The following NPAS3 variants were observed in gnomAD, a reference collection of about 807,000 sequenced individuals.
NPAS3 encodes the protein neuronal PAS domain protein 3.
Under a neutral mutation model 73.1 loss-of-function variants are expected in NPAS3, and 14 were observed. The ratio of observed to expected loss-of-function variants is 0.19; its 90% CI spans 0.13 to 0.30. The LOEUF (loss-of-function observed/expected upper bound fraction) is 0.30, where lower values mean the gene tolerates loss of function less well. Ranked by LOEUF, NPAS3 falls within the 10% of genes least tolerant of loss-of-function variation. The probability of loss-of-function intolerance (pLI) is 1.00; values close to 1 mark genes in which losing one functional copy is unlikely to be tolerated. For synonymous variants in NPAS3, 620 were observed against 541.5 expected (o/e 1.14, Z -2.01); for missense variants, 1,096 against 1,250.0 (o/e 0.88, Z 1.86).
At chr14:33,211,135 C>G (rs551552143) in intron 2 of NPAS3, among the ~76,000 whole-genome samples, 1 of 152,268 alleles carries the variant, frequency 6.6e-6, no homozygotes, top group Non-Finnish European at 1.5e-5. Flanking sequence ...ATTCTAACGA[C>G]AACTTTATAA....
At chr14:33,513,476 A>G (rs1392041366) in intron 4 of NPAS3, among the ~76,000 whole-genome samples, 1 of 152,058 alleles carries the variant, frequency 6.6e-6, no homozygotes, top group Non-Finnish European at 1.5e-5. Context: ...CCAGCCTTTG[A>G]GTACAGTAGG....
At chr14:33,606,982 T>C (rs1458718812) in intron 5 of NPAS3, among the ~76,000 whole-genome samples, 1 of 152,214 alleles carries the variant, frequency 6.6e-6, no homozygotes, top group Non-Finnish European at 1.5e-5. Context: ...ATATTCAACA[T>C]CATTAGTCAT....
chr14:33,022,584 G>C (rs1383448150), intron 1 of NPAS3, among the ~76,000 whole-genome samples: 1 of 149,302 alleles, frequency 6.7e-6, no homozygotes, highest in South Asian at 2.1e-4. Flanking sequence ...AGAATGGCGT[G>C]AACCCGGGAG....
Position 33,795,748 on chromosome 14 carries a change from A to G in NPAS3, c.1301+1704A>G, listed in dbSNP as rs145871811. Among the ~76,000 whole-genome samples the G allele has an allele frequency of 3.0e-4, 46 of 152,314 alleles. No individual in the cohort carries two copies. In the East Asian group the frequency reaches 8.9e-3, roughly 29 times the overall value. Reference sequence around the variant, plus strand: ...TCCTCTGCCCACAAATGCAAGGAGTAAGAAGAGCTAAGCAATCAGTCTCTG... The same window carrying G: ...TCCTCTGCCCACAAATGCAAGGAGTGAGAAGAGCTAAGCAATCAGTCTCTG... On this transcript the variant is annotated intron_variant, in intron 10 of 11. Transcript: ENST00000356141.
At chr14:33,462,970 T>C (rs2050341786) in intron 4 of NPAS3, among the ~76,000 whole-genome samples, 1 of 152,200 alleles carries the variant, frequency 6.6e-6, no homozygotes, top group Non-Finnish European at 1.5e-5. Flanking sequence ...TAATAAATGG[T>C]CATTCTTGTT....
chr14:33,599,954 A>G (rs2057351754), intron 5 of NPAS3, among the ~76,000 whole-genome samples: 1 of 152,206 alleles, frequency 6.6e-6, no homozygotes, highest in Non-Finnish European at 1.5e-5. Flanking sequence ...GAAGTGTAGA[A>G]TATCTGGATA....
intron 2 of NPAS3, among the ~76,000 whole-genome samples, chr14:33,113,621 A>G (rs2042968618): frequency 6.6e-6 from 1 of 152,150 alleles, no homozygotes; most frequent in African/African-American, 2.4e-5. Context: ...AAACAGGGAC[A>G]ATTTGACTTC....
At chr14:33,169,561 C>G (rs1170971450) in intron 2 of NPAS3, among the ~76,000 whole-genome samples, 1 of 152,164 alleles carries the variant, frequency 6.6e-6, no homozygotes, top group Admixed American at 6.5e-5. Flanking sequence ...GAGCAAGACT[C>G]TGTCTCAACA....
intron 3 of NPAS3, among the ~76,000 whole-genome samples, chr14:33,237,398 G>A (rs2139810573): frequency 6.6e-6 from 1 of 152,164 alleles, no homozygotes; most frequent in South Asian, 2.1e-4. Context: ...ATTCTTGACT[G>A]AATAATGATG....
rs11389432 is a variant in NPAS3 at position 33,159,553 on chromosome 14, C to CTTTT, written c.141-55614_141-55611dup. Among the ~76,000 whole-genome samples the CTTTT allele has an allele frequency of 6.9e-3, 838 of 121,364 alleles. 18 individuals are homozygous for CTTTT. The highest frequency in any genetic ancestry group is 0.034 in the Middle Eastern group (7 of 206). The allele number at this position is 121,364 out of a possible 152,430, so 79.6% of individuals were successfully genotyped here. ...TAATTATAGTATTAATTATAATGAGCTTTTTTTTTTTTTTTTTTGAGATGG... is the reference window on the plus strand; with the variant it reads ...TAATTATAGTATTAATTATAATGAGCTTTTTTTTTTTTTTTTTTTTTTGAGATGG... On this transcript the variant is annotated intron_variant, in intron 2 of 11. Coordinates refer to ENST00000356141, the Ensembl canonical transcript of NPAS3.
At chr14:33,764,526 G>T (rs535058493) in intron 7 of NPAS3, among the ~76,000 whole-genome samples, 1 of 152,210 alleles carries the variant, frequency 6.6e-6, no homozygotes, top group African/African-American at 2.4e-5. Flanking sequence ...TTCCTGGGGA[G>T]GTGCTAAGTA....
intron 5 of NPAS3, among the ~76,000 whole-genome samples, chr14:33,612,028 G>A (rs75214369): frequency 0.15 from 22,752 of 152,106 alleles, 1,918 homozygotes; most frequent in Admixed American, 0.26. Context: ...GTGGCCAGAG[G>A]CCTCTGGGCA....
chr14:33,251,937 C>T lies in NPAS3; in HGVS notation c.385+36511C>T, dbSNP rs181070002. 3.7e-3 allele frequency among the ~76,000 whole-genome samples: 570 copies of T among 152,016 alleles called. 3 individuals carry two copies. Among genetic ancestry groups the T allele is most frequent in the African/African-American group, 0.012 (517 of 41,484 alleles). ...TATTTCAGACCTTGGTGTTGAAGCACGTTGCAATTCGTTGTCTACGTTTAC... is the reference window on the plus strand; with the variant it reads ...TATTTCAGACCTTGGTGTTGAAGCATGTTGCAATTCGTTGTCTACGTTTAC... On this transcript the variant is annotated intron_variant, in intron 3 of 11. Coordinates refer to ENST00000356141, the Ensembl canonical transcript of NPAS3.
intron 2 of NPAS3, among the ~76,000 whole-genome samples, chr14:33,064,266 T>C (rs2041206419): frequency 6.6e-6 from 1 of 152,200 alleles, no homozygotes; most frequent in Non-Finnish European, 1.5e-5. Flanking sequence ...AAGCAGTATC[T>C]TTACAATAAG....
At chr14:32,971,999 C>T (rs960077377) in intron 1 of NPAS3, among the ~76,000 whole-genome samples, 4 of 133,516 alleles carry the variant, frequency 3.0e-5, no homozygotes, top group Admixed American at 8.5e-5. Context: ...AGTGCAGTGG[C>T]GCAATCTTGG....
At chr14:33,748,977 A>T (rs1368493132) in intron 7 of NPAS3, among the ~76,000 whole-genome samples, 2 of 152,184 alleles carry the variant, frequency 1.3e-5, no homozygotes, top group African/African-American at 4.8e-5. Flanking sequence ...AATCTGAAAT[A>T]TTCTAGGAAA....
chr14:33,301,310 A>ATG (rs1270657180), intron 3 of NPAS3, among the ~76,000 whole-genome samples: 1 of 97,992 alleles, frequency 1.0e-5, no homozygotes, highest in African/African-American at 4.4e-5. Context: ...TTATCATTAT[A>ATG]TATATATATA....
At chr14:33,421,714 T>C (rs1271911196) in intron 4 of NPAS3, among the ~76,000 whole-genome samples, 2 of 151,948 alleles carry the variant, frequency 1.3e-5, no homozygotes, top group Admixed American at 6.6e-5. Context: ...ATCTTAAACA[T>C]TGGGTAGACA....
At chr14:33,401,998 A>T (rs2047465415) in intron 4 of NPAS3, among the ~76,000 whole-genome samples, 1 of 152,116 alleles carries the variant, frequency 6.6e-6, no homozygotes, top group African/African-American at 2.4e-5. Context: ...TGTGGCCTGG[A>T]AGAGACGACT....
Sources: allele counts gnomAD v4.1 joint callset (sites outside exome capture counted in the v4.1 genomes callset), GRCh38; gene constraint gnomAD v4.1.1; transcripts MANE v1.5; gene names NCBI Gene and HGNC (gene_info 2026-07-23, HGNC 2026-07-21).